The following CEP63 variants were observed in gnomAD, a reference collection of about 807,000 sequenced individuals.
The protein encoded by CEP63 is centrosomal protein 63.
CEP63 carries 84 observed loss-of-function variants against 89.1 expected under a neutral mutation model. The ratio of observed to expected loss-of-function variants is 0.94; its 90% CI spans 0.79 to 1.13. The LOEUF (loss-of-function observed/expected upper bound fraction) is 1.13. Ranked by LOEUF, CEP63 falls within the 50% of genes most tolerant of loss-of-function variation. CEP63 has a pLI of 0.00. For missense variants in CEP63, 838 were observed against 813.3 expected, an observed-to-expected ratio of 1.03 and a Z score of -0.37; for synonymous variants, 267 against 272.5, an observed-to-expected ratio of 0.98 and a Z score of 0.20.
At chr3:134,604,765 T>C in the CEP63 span, among the ~76,000 whole-genome samples, 1 of 152,194 alleles carries the variant, frequency 6.6e-6, no homozygotes, top group African/African-American at 2.4e-5. Context: ...TATCCCAAGC[T>C]GTATGTGTGC....
intron 6 of CEP63, 87 bp downstream of exon 6, chr3:134,537,355 T>C (rs1950968882): frequency 1.2e-6 from 1 of 866,006 alleles, no homozygotes; most frequent in Non-Finnish European, 1.9e-6. Context: ...TAGTACCATT[T>C]AGCCTCTTTC....
At chr3:134,604,953 G>C in the CEP63 span, among the ~76,000 whole-genome samples, 185 of 152,266 alleles carry the variant, frequency 1.2e-3, no homozygotes, top group Non-Finnish European at 2.4e-3. Context: ...TAGTGAGAAT[G>C]GCTTCACTCC....
At chr3:134,627,450 C>A in the CEP63 span, among the ~76,000 whole-genome samples, 56 of 152,292 alleles carry the variant, frequency 3.7e-4, no homozygotes, top group African/African-American at 1.3e-3. Flanking sequence ...ATTTGGCATT[C>A]CATTTAAAGT....
the CEP63 span, among the ~76,000 whole-genome samples, chr3:134,655,775 G>A: frequency 4.6e-5 from 7 of 152,158 alleles, no homozygotes; most frequent in African/African-American, 9.7e-5. Flanking sequence ...ACCTTGACTC[G>A]GGGTTTCAAG....
the CEP63 span, among the ~76,000 whole-genome samples, chr3:134,615,641 T>G: frequency 6.6e-6 from 1 of 152,106 alleles, no homozygotes; most frequent in Middle Eastern, 3.4e-3. Context: ...TCTTTGTGAG[T>G]GCCATCCTTT....
chr3:134,681,050 G>A, the CEP63 span, among the ~76,000 whole-genome samples: 2 of 152,200 alleles, frequency 1.3e-5, no homozygotes, highest in Non-Finnish European at 2.9e-5. Context: ...AGGCCTCGGA[G>A]CAGGACAAGG....
At chr3:134,640,671 G>A in the CEP63 span, among the ~76,000 whole-genome samples, 1 of 152,152 alleles carries the variant, frequency 6.6e-6, no homozygotes, top group South Asian at 2.1e-4. Flanking sequence ...AAAATGGCAG[G>A]TGCTGGCACC....
chr3:134,503,377 A>G (rs1040878362), intron 2 of CEP63, among the ~76,000 whole-genome samples: 5 of 152,042 alleles, frequency 3.3e-5, no homozygotes, highest in African/African-American at 1.2e-4. Flanking sequence ...GGTCTAAGAT[A>G]CTTGATATGA....
At chr3:134,717,468 T>C in the CEP63 span, among the ~76,000 whole-genome samples, 1 of 152,166 alleles carries the variant, frequency 6.6e-6, no homozygotes, top group South Asian at 2.1e-4. Context: ...CGAAACACCT[T>C]GTCTCAAATA....
chr3:134,638,631 C>T, the CEP63 span, among the ~76,000 whole-genome samples: 17 of 152,216 alleles, frequency 1.1e-4, no homozygotes, highest in Admixed American at 2.0e-4. Flanking sequence ...TCCTAGACCC[C>T]GCCAGCTCTC....
intron 3 of CEP63, among the ~76,000 whole-genome samples, chr3:134,512,548 A>G (rs921399488): frequency 2.6e-5 from 4 of 152,212 alleles, no homozygotes; most frequent in Non-Finnish European, 5.9e-5. Flanking sequence ...AAATGATTCT[A>G]CAAGGCTCAT....
At chr3:134,517,153 C>T (rs906121241) in intron 3 of CEP63, among the ~76,000 whole-genome samples, 6 of 152,190 alleles carry the variant, frequency 3.9e-5, no homozygotes, top group Admixed American at 3.3e-4. Flanking sequence ...GCTTTCCTTC[C>T]TTCTCTGCCT....
chr3:134,574,282 C>T (rs1958136689), intron 11 of CEP63, among the ~76,000 whole-genome samples: 2 of 152,198 alleles, frequency 1.3e-5, no homozygotes. Flanking sequence ...CCAGACAGAG[C>T]TCAGGTGGGC....
intron 12 of CEP63, chr3:134,553,289 T>A (rs1221698247): frequency 1.3e-5 from 2 of 152,168 alleles, no homozygotes; most frequent in East Asian, 3.9e-4. Flanking sequence ...ATTTTTGTAA[T>A]CTTTCAGAAG....
chr3:134,499,717 C>CA (rs1437034475), intron 2 of CEP63, among the ~76,000 whole-genome samples: 14 of 151,894 alleles, frequency 9.2e-5, no homozygotes, highest in Admixed American at 7.9e-4. Flanking sequence ...TCCTATCATC[C>CA]AAAGAATGAA....
chr3:134,679,333 C>T, the CEP63 span, among the ~76,000 whole-genome samples: 1 of 152,168 alleles, frequency 6.6e-6, no homozygotes, highest in East Asian at 1.9e-4. Context: ...CCAGGTTCGT[C>T]CACTTCTAAT....
chr3:134,712,414 T>C, the CEP63 span, among the ~76,000 whole-genome samples: 120,685 of 152,028 alleles, frequency 0.79, 49,708 homozygotes, highest in East Asian at 0.98. Flanking sequence ...TTCTACCTCT[T>C]GGGAATATTT....
At position 134,557,376 on chromosome 3, in the gene CEP63, GTTTTTTT is replaced by G. The variant is rs199930556; in HGVS notation, c.1468-744_1468-738del. ...CTTGACCAGCTTACTTTCATAATTT[GTTTTTTT>G]TTTTTTTTTTTTTTTTTTTTTACAG... On this transcript the variant is annotated intron_variant, in intron 12 of 14. Coordinates refer to ENST00000675561, the MANE Select transcript of CEP63 (RefSeq NM_001353108.3). Among the ~76,000 whole-genome samples the G allele has an allele frequency of 5.9e-3, 595 of 101,498 alleles. 8 individuals are homozygous for G. Among genetic ancestry groups the G allele is most frequent in the African/African-American group, 0.027 (548 of 20,318 alleles). The allele number at this position is 101,498 out of a possible 152,430, so 66.6% of individuals were successfully genotyped here.
At chr3:134,488,491 C>T (rs1346398867) in intron 1 of CEP63, among the ~76,000 whole-genome samples, 1 of 151,920 alleles carries the variant, frequency 6.6e-6, no homozygotes, top group Non-Finnish European at 1.5e-5. Context: ...CGCCTGTAAT[C>T]CCAGCTACTC....
Sources: gnomAD v4.1 joint callset for allele counts (sites outside exome capture counted in the v4.1 genomes callset) on GRCh38, gnomAD v4.1.1 for gene constraint, MANE v1.5 for transcripts, NCBI Gene and HGNC (gene_info 2026-07-23, HGNC 2026-07-21) for gene names.